Variants in FAT4 observed in about 807,000 individuals in gnomAD.
The protein encoded by FAT4 is FAT atypical cadherin 4.
FAT4 carries 84 observed loss-of-function variants against 303.9 expected under a neutral mutation model. The ratio of observed to expected loss-of-function variants is 0.28; its 90% CI spans 0.23 to 0.33. The LOEUF is 0.33. Ranked by LOEUF, FAT4 falls within the 10% of genes least tolerant of loss-of-function variation. The pLI is 1.00. For missense variants in FAT4, 6,005 were observed against 6,146.8 expected (o/e 0.98, Z 0.77); for synonymous variants, 2,307 against 2,298.8 (o/e 1.00, Z -0.10).
At chr4:125,403,925 T>C (rs1308981201) in intron 3 of FAT4, among the ~76,000 whole-genome samples, 11 of 152,156 alleles carry the variant, frequency 7.2e-5, no homozygotes, top group Non-Finnish European at 1.5e-4. Flanking sequence ...GTCCCATGAA[T>C]TGATTCAGAG....
chr4:125,330,283 T>C (rs1473042431), intron 2 of FAT4, among the ~76,000 whole-genome samples: 1 of 152,198 alleles, frequency 6.6e-6, no homozygotes, highest in Admixed American at 6.5e-5. Flanking sequence ...TTATTGTAAC[T>C]ATCCCCTCAT....
intron 2 of FAT4, among the ~76,000 whole-genome samples, chr4:125,329,058 C>T (rs1222345104): frequency 1.3e-5 from 2 of 152,158 alleles, no homozygotes; most frequent in South Asian, 2.1e-4. Flanking sequence ...GTTTAGGTCC[C>T]TATTAACCTT....
chr4:125,489,353 A>G (rs903797645), intron 17 of FAT4, among the ~76,000 whole-genome samples: 5 of 152,192 alleles, frequency 3.3e-5, no homozygotes, highest in Admixed American at 1.3e-4. Flanking sequence ...CACCAGAGGT[A>G]TGTTTTTATC....
chr4:125,452,415 C>T lies in FAT4; in HGVS notation c.11405C>T (p.Ser3802Phe), dbSNP rs75380987. ...CGGCAGAGTGGAGTAAAGGTGGAAT[C>T]TGTGGATCATGACTCCTGTGTGCAT... ...LLRQSGVKVE[S>F]VDHDSCVHGP... Residue 3802 changes from serine to phenylalanine, a missense_variant, in exon 10 of 18, where the codon TCT becomes TTT. By Grantham distance (155) the Ser-to-Phe change is radical (BLOSUM62 -2). Transcript: ENST00000394329. The T allele has an allele frequency of 0.041, 66,704 of 1,614,070 alleles. 1,578 individuals carry two copies. Among genetic ancestry groups the T allele is most frequent in the Middle Eastern group, 0.057 (347 of 6,062 alleles).
At chr4:125,325,943 T>C (rs1415900614) in intron 2 of FAT4, among the ~76,000 whole-genome samples, 1 of 152,164 alleles carries the variant, frequency 6.6e-6, no homozygotes, top group African/African-American at 2.4e-5. Context: ...TGCATTATCA[T>C]GTAAACAGTG....
chr4:125,473,008 G>A (rs1230422881), intron 12 of FAT4, among the ~76,000 whole-genome samples: 1 of 151,764 alleles, frequency 6.6e-6, no homozygotes, highest in African/African-American at 2.4e-5. Context: ...TTTTCCAGCT[G>A]GAACATTTTT....
Position 125,315,455 on chromosome 4 carries a change from CT to C in FAT4, c.-534del, listed in dbSNP as rs1399456214. Among the ~76,000 whole-genome samples, 16 of 152,318 alleles carry C rather than the reference CT, an allele frequency of 1.1e-4. No homozygotes were observed. Among genetic ancestry groups the C allele is most frequent in the South Asian group, 2.1e-4 (1 of 4,830 alleles). On this transcript the variant is annotated 5_prime_UTR_variant, in exon 1 of 18. Transcript: ENST00000394329. ...TGGGGCCGCCGGAGAACGACCCCCC[CT>C]GGCATGGTGAGGGGAGGGCGACTCG...
rs772029592 is a variant in FAT4, at chr4:125,406,920, C to T, written c.5348C>T (p.Ala1783Val). ...GTCACATACACTATCATTAGTGGAG[C>T]TGATGATAGTTTTCGCATCGACCCA... is the stretch of plus-strand genomic sequence containing the variant. ...ALVTYTIISGADDSFRIDPES... is the reference protein window; with the variant it reads ...ALVTYTIISGVDDSFRIDPES... The change falls in exon 4 of 18, where the codon GCT becomes GTT. Residue 1783 changes from alanine (A) to valine (V), a missense_variant. Transcript: ENST00000394329. The T allele has an allele frequency of 6.2e-6, 10 of 1,613,670 alleles. No homozygotes were observed. The highest frequency in any genetic ancestry group is 7.6e-6 in the Non-Finnish European group (9 of 1,179,834).
intron 7 of FAT4, among the ~76,000 whole-genome samples, chr4:125,422,748 A>G (rs966583792): frequency 1.3e-5 from 2 of 152,156 alleles, no homozygotes; most frequent in Admixed American, 6.5e-5. Context: ...TAAAAATACC[A>G]AAGTGACTTT....
In FAT4 at chr4:125,416,459, AGAT is replaced by A. The variant is rs1560809582; in HGVS notation, c.6862_6864del (p.Asp2288del). On this transcript the variant is annotated inframe_deletion, in exon 7 of 18. Coordinates refer to ENST00000394329, the MANE Select transcript of FAT4 (RefSeq NM_001291303.3). ...GTACTGTTCTACAGGTGGTGGCAAG[AGAT>A]GATGATCGAGGATCTAACAGCAAAC... 2 of 1,613,448 alleles carry A rather than the reference AGAT, an allele frequency of 1.2e-6. No individual in the cohort carries two copies. Among genetic ancestry groups the A allele is most frequent in the Admixed American group, 1.7e-5 (1 of 59,962 alleles).
intron 2 of FAT4, among the ~76,000 whole-genome samples, chr4:125,370,247 C>T (rs1400257326): frequency 1.3e-5 from 2 of 152,084 alleles, no homozygotes. Flanking sequence ...AGCTATTAAG[C>T]ACTTGTATGT....
At position 125,468,539 on chromosome 4, in the gene FAT4, A is replaced by G; in HGVS notation, c.11933A>G (p.Asn3978Ser). Residue 3978 changes from asparagine (N) to serine (S), a missense_variant, in exon 12 of 18, where the codon AAC (asparagine) becomes AGC (serine). Coordinates refer to ENST00000394329, the MANE Select transcript of FAT4 (RefSeq NM_001291303.3). ...FGVFGKHCELNSYGFEELSYM... is the reference protein window; with the variant it reads ...FGVFGKHCELSSYGFEELSYM... ...GTCTTTGGAAAACACTGCGAGTTGA[A>G]CAGTTATGGATTTGAGGAGTTATCA... 1 of 1,594,704 alleles carries G rather than the reference A, an allele frequency of 6.3e-7. No homozygotes were observed. Among genetic ancestry groups the G allele is most frequent in the Non-Finnish European group, 8.6e-7 (1 of 1,166,898 alleles).
intron 2 of FAT4, among the ~76,000 whole-genome samples, chr4:125,359,193 C>G (rs1732551543): frequency 6.6e-6 from 1 of 152,096 alleles, no homozygotes; most frequent in Non-Finnish European, 1.5e-5. Flanking sequence ...ATAGATACTA[C>G]TAGTTTCCCC....
chr4:125,470,638 T>A (rs530962914), intron 12 of FAT4, among the ~76,000 whole-genome samples: 1 of 152,312 alleles, frequency 6.6e-6, no homozygotes, highest in African/African-American at 2.4e-5. Flanking sequence ...CAACTTTTCT[T>A]CTGTACTTTC....
chr4:125,477,922 C>T (rs1023351145), intron 14 of FAT4, among the ~76,000 whole-genome samples: 2 of 151,888 alleles, frequency 1.3e-5, no homozygotes, highest in Admixed American at 1.3e-4. Context: ...TGAAAAAATA[C>T]AAGGAAGAAA....
At chr4:125,447,817 C>A (rs1343215448) in intron 9 of FAT4, among the ~76,000 whole-genome samples, 1 of 151,998 alleles carries the variant, frequency 6.6e-6, no homozygotes, top group African/African-American at 2.4e-5. Flanking sequence ...TCCCTCAATT[C>A]TTATTTCTTA....
Position 125,318,271 on chromosome 4 carries a change from C to G in FAT4, c.1860C>G (p.Phe620Leu), listed in dbSNP as rs1730735932. Reference sequence around the variant, plus strand: ...TGGGTGACAACGGAACAGTGCGCTTCTCCTTACAAGAGGCAGAGACTGACC... The same window carrying G: ...TGGGTGACAACGGAACAGTGCGCTTGTCCTTACAAGAGGCAGAGACTGACC... Reference protein sequence around the residue: ...GDLGDNGTVRFSLQEAETDRR... With the variant: ...GDLGDNGTVRLSLQEAETDRR... The change falls in exon 2 of 18, where the codon TTC becomes TTG. Residue 620 changes from phenylalanine to leucine, a missense_variant. Coordinates refer to ENST00000394329, the MANE Select transcript of FAT4 (RefSeq NM_001291303.3). 1 of 1,614,086 alleles carries G rather than the reference C, an allele frequency of 6.2e-7. No individual in the cohort carries two copies. Among genetic ancestry groups the G allele is most frequent in the South Asian group, 1.1e-5 (1 of 91,082 alleles).
At chr4:125,383,218 C>T (rs770145308) in intron 2 of FAT4, among the ~76,000 whole-genome samples, 18 of 152,210 alleles carry the variant, frequency 1.2e-4, no homozygotes, top group Non-Finnish European at 2.6e-4. Context: ...TTATCTACTT[C>T]ACTAAGCTTA....
intron 3 of FAT4, among the ~76,000 whole-genome samples, chr4:125,399,343 A>G (rs1734297489): frequency 1.3e-5 from 2 of 152,114 alleles, no homozygotes; most frequent in Non-Finnish European, 2.9e-5. Flanking sequence ...TTCTATATTT[A>G]TATATTAAGT....
Sources: gnomAD v4.1 joint callset for allele counts (sites outside exome capture counted in the v4.1 genomes callset) on GRCh38, gnomAD v4.1.1 for gene constraint, MANE v1.5 for transcripts, NCBI Gene and HGNC (gene_info 2026-07-23, HGNC 2026-07-21) for gene names.